The following DLGAP1 variants were observed in gnomAD, a reference collection of about 807,000 sequenced individuals.
The protein encoded by DLGAP1 is disks large-associated protein 1.
DLGAP1 carries 11 observed loss-of-function variants against 90.8 expected under a neutral mutation model. The observed-to-expected ratio is 0.12, with a 90% CI of 0.08 to 0.20. The LOEUF (loss-of-function observed/expected upper bound fraction) is 0.20, where lower values mean the gene tolerates loss of function less well. Among genes scored for constraint, DLGAP1 ranks in the 10% least tolerant of loss-of-function variants. DLGAP1 has a pLI of 1.00. For synonymous variants in DLGAP1, 558 were observed against 540.7 expected, an observed-to-expected ratio of 1.03 and a Z score of -0.44; for missense variants, 1,050 against 1,333.8, an observed-to-expected ratio of 0.79 and a Z score of 3.31.
At chr18:3,747,934 G>A (rs1029072970) in intron 5 of DLGAP1, among the ~76,000 whole-genome samples, 3 of 152,150 alleles carry the variant, frequency 2.0e-5, no homozygotes, top group East Asian at 1.9e-4. Context: ...ATGCAGAAAC[G>A]CTCATTAAAT....
intron 1 of DLGAP1, among the ~76,000 whole-genome samples, chr18:4,264,404 T>C (rs965421574): frequency 6.6e-6 from 1 of 152,240 alleles, no homozygotes; most frequent in Non-Finnish European, 1.5e-5. Flanking sequence ...CTGGTAAGTA[T>C]TGTGTAAGAT....
chr18:4,051,464 A>C (rs937576663), intron 2 of DLGAP1, among the ~76,000 whole-genome samples: 5 of 152,178 alleles, frequency 3.3e-5, no homozygotes, highest in African/African-American at 1.2e-4. Context: ...CCCTTATAAA[A>C]CCATAAGATC....
chr18:4,225,199 T>C (rs2078160143), intron 1 of DLGAP1, among the ~76,000 whole-genome samples: 1 of 152,108 alleles, frequency 6.6e-6, no homozygotes, highest in Non-Finnish European at 1.5e-5. Flanking sequence ...TTCAAGCCTC[T>C]ATGAGGCTGG....
chr18:3,900,807 C>T (rs1247260567), intron 3 of DLGAP1, among the ~76,000 whole-genome samples: 1 of 152,062 alleles, frequency 6.6e-6, no homozygotes, highest in Non-Finnish European at 1.5e-5. Context: ...TTTGGATATT[C>T]CTTATTTGGT....
rs2063796478 is a variant in DLGAP1, at chr18:3,758,142, G to A, written c.1173-15630C>T. 4.0e-5 allele frequency among the ~76,000 whole-genome samples: 6 copies of A among 151,216 alleles called. No individual in the cohort carries two copies. In the South Asian group the frequency reaches 8.4e-4, roughly 21 times the overall value. On this transcript the variant is annotated intron_variant, in intron 5 of 12. Transcript: ENST00000315677. ...AAAAAAAAAAGACTGAGAGCAAGGC[G>A]AGGATAACTGTTCTTGTCACTTCAT...
intron 8 of DLGAP1, among the ~76,000 whole-genome samples, 177 bp from the exon 9 acceptor site, chr18:3,567,758 G>C (rs2054521021): frequency 1.3e-5 from 2 of 152,092 alleles, no homozygotes; most frequent in South Asian, 4.1e-4. Context: ...CTCTGTTGCT[G>C]TTAGTAAAAT....
intron 2 of DLGAP1, among the ~76,000 whole-genome samples, chr18:4,041,655 C>T (rs1288193753): frequency 6.6e-6 from 1 of 152,162 alleles, no homozygotes; most frequent in Non-Finnish European, 1.5e-5. Context: ...TTTCCTTATC[C>T]CACTCTTTCA....
intron 3 of DLGAP1, among the ~76,000 whole-genome samples, chr18:3,971,690 G>A (rs2073454107): frequency 6.6e-6 from 1 of 152,148 alleles, no homozygotes; most frequent in Admixed American, 6.5e-5. Flanking sequence ...ATAACATAGA[G>A]AAATATCAGT....
In DLGAP1 at chr18:4,079,184, C is replaced by T. The variant is rs116321285; in HGVS notation, c.-159+71996G>A. On this transcript the variant is annotated intron_variant, in intron 2 of 12. Transcript: ENST00000315677. ...TAGGCATATGCTGTCCACTCAGCATCCATTGGCTTGTGGAGAGCTGGGGAC... is the reference window on the plus strand; with the variant it reads ...TAGGCATATGCTGTCCACTCAGCATTCATTGGCTTGTGGAGAGCTGGGGAC... Among the ~76,000 whole-genome samples, 149 of 151,986 alleles carry T rather than the reference C, an allele frequency of 9.8e-4. 1 individual carries two copies. Among genetic ancestry groups the T allele is most frequent in the African/African-American group, 3.4e-3 (139 of 41,470 alleles).
At chr18:3,992,449 G>C in intron 3 of DLGAP1, among the ~76,000 whole-genome samples, 1 of 152,162 alleles carries the variant, frequency 6.6e-6, no homozygotes, top group Admixed American at 6.5e-5. Context: ...AGGCTGAGGC[G>C]GGTGGAATGC....
chr18:4,070,618 T>C (rs1346216490), intron 2 of DLGAP1, among the ~76,000 whole-genome samples: 5 of 152,116 alleles, frequency 3.3e-5, no homozygotes, highest in Admixed American at 1.3e-4. Flanking sequence ...CAACTCTCTT[T>C]ATTTTATTAA....
intron 1 of DLGAP1, among the ~76,000 whole-genome samples, chr18:4,322,687 C>T (rs541430469): frequency 2.6e-5 from 4 of 152,038 alleles, no homozygotes; most frequent in East Asian, 1.9e-4. Flanking sequence ...AGAGGCCAGA[C>T]GTGGTGGCTC....
intron 3 of DLGAP1, among the ~76,000 whole-genome samples, chr18:3,912,491 C>T (rs1407674086): frequency 2.0e-5 from 3 of 152,160 alleles, no homozygotes; most frequent in Non-Finnish European, 4.4e-5. Flanking sequence ...GCTCAGGGAA[C>T]AAACCAAATA....
intron 1 of DLGAP1, among the ~76,000 whole-genome samples, chr18:4,449,755 A>C (rs556986819): frequency 6.6e-6 from 1 of 152,202 alleles, no homozygotes; most frequent in Non-Finnish European, 1.5e-5. Context: ...AAGTGCTAAA[A>C]CAGCATTCAG....
chr18:3,999,109 C>T (rs985389568), intron 3 of DLGAP1, among the ~76,000 whole-genome samples: 2 of 151,970 alleles, frequency 1.3e-5, no homozygotes, highest in East Asian at 3.9e-4. Flanking sequence ...CCTTCCTCTA[C>T]CTTTAAATAT....
chr18:3,856,038 G>A (rs1297176944), intron 4 of DLGAP1, among the ~76,000 whole-genome samples: 1 of 152,166 alleles, frequency 6.6e-6, no homozygotes, highest in Non-Finnish European at 1.5e-5. Context: ...GGGAATCCAG[G>A]CCACTTTTCT....
At chr18:3,911,649 T>C (rs994868240) in intron 3 of DLGAP1, among the ~76,000 whole-genome samples, 2 of 152,232 alleles carry the variant, frequency 1.3e-5, no homozygotes, top group Admixed American at 1.3e-4. Context: ...TTTTCAATCC[T>C]ACAGAAAAGC....
intron 2 of DLGAP1, among the ~76,000 whole-genome samples, chr18:4,057,032 CA>C (rs2075229391): frequency 6.7e-6 from 1 of 150,210 alleles, no homozygotes; most frequent in South Asian, 2.1e-4. Context: ...CACACACACA[CA>C]CACACACACA....
At chr18:4,310,556 A>T (rs1237231722) in intron 1 of DLGAP1, among the ~76,000 whole-genome samples, 1 of 152,138 alleles carries the variant, frequency 6.6e-6, no homozygotes, top group Admixed American at 6.5e-5. Flanking sequence ...ATTTCCTACA[A>T]CCTTGAACAC....
Sources: allele counts gnomAD v4.1 joint callset (sites outside exome capture counted in the v4.1 genomes callset), GRCh38; gene constraint gnomAD v4.1.1; transcripts MANE v1.5; gene names NCBI Gene and HGNC (gene_info 2026-07-23, HGNC 2026-07-21).